GNAQ: variants seen among roughly 807,000 people sequenced by gnomAD.
GNAQ encodes guanine nucleotide-binding protein G(q) subunit alpha.
A neutral mutation model predicts 43.9 loss-of-function variants in GNAQ; 8 were observed. That is an observed-to-expected ratio of 0.18 (90% confidence interval 0.11 to 0.33). GNAQ has a LOEUF of 0.33. Among genes scored for constraint, GNAQ ranks in the 10% least tolerant of loss-of-function variants. GNAQ has a pLI of 1.00. For missense variants in GNAQ, 158 were observed against 450.8 expected (o/e 0.35, Z 5.88); for synonymous variants, 155 against 170.7 (o/e 0.91, Z 0.71).
At chr9:77,936,363 C>T (rs552334034) in intron 1 of GNAQ, among the ~76,000 whole-genome samples, 3 of 152,194 alleles carry the variant, frequency 2.0e-5, no homozygotes, top group Admixed American at 1.3e-4. Flanking sequence ...ATACTCAGAC[C>T]TTATTTTTAA....
At chr9:77,733,760 G>A (rs1343221957) in intron 5 of GNAQ, among the ~76,000 whole-genome samples, 1 of 152,224 alleles carries the variant, frequency 6.6e-6, no homozygotes, top group Non-Finnish European at 1.5e-5. Context: ...CATCATCACA[G>A]GCCCACATGG....
Position 77,719,842 on chromosome 9 carries a change from C to T in GNAQ, c.*1481G>A. 4.3e-6 allele frequency: 1 copy of T among 232,560 alleles called. No individual in the cohort carries two copies. The highest frequency in any genetic ancestry group is 5.6e-5 in the Admixed American group (1 of 17,760). The allele number at this position is 232,560 out of a possible 1,614,324, so 14.4% of individuals were successfully genotyped here. A position where few individuals can be genotyped will look rare whatever the true frequency, so the allele number is the denominator to read the frequency against. On this transcript the variant is annotated 3_prime_UTR_variant, in exon 7 of 7. Coordinates refer to ENST00000286548, the MANE Select transcript of GNAQ (RefSeq NM_002072.5). ...TGTTCTATAGAACACTGAGAGGTTA[C>T]TTTTGAGTTAAGTCCACAAATCTTC...
intron 2 of GNAQ, among the ~76,000 whole-genome samples, chr9:77,849,540 A>G (rs1827640502): frequency 6.6e-6 from 1 of 152,126 alleles, no homozygotes. Flanking sequence ...GAAAATGGTC[A>G]TCTGGTCATC....
chr9:77,843,777 G>A (rs1827529784), intron 2 of GNAQ, among the ~76,000 whole-genome samples: 1 of 152,164 alleles, frequency 6.6e-6, no homozygotes, highest in Non-Finnish European at 1.5e-5. Flanking sequence ...AATTTAAACA[G>A]CTGTTCCTGG....
intron 1 of GNAQ, among the ~76,000 whole-genome samples, chr9:78,016,681 C>CA (rs199896051): frequency 0.27 from 30,865 of 115,398 alleles, 3,366 homozygotes; most frequent in South Asian, 0.43. Flanking sequence ...GACTCTGTCT[C>CA]AAAAAAAAAA....
intron 1 of GNAQ, among the ~76,000 whole-genome samples, chr9:77,969,090 G>A (rs1823204862): frequency 6.6e-6 from 1 of 152,216 alleles, no homozygotes; most frequent in Non-Finnish European, 1.5e-5. Flanking sequence ...TTTGAGGTTT[G>A]CCGTTGGTCT....
chr9:77,881,555 T>G lies in GNAQ; in HGVS notation c.321+40606A>C, dbSNP rs1171564838. Among the ~76,000 whole-genome samples the G allele has an allele frequency of 2.0e-5, 3 of 152,256 alleles. No individual in the cohort carries two copies. The South Asian group carries it at 6.2e-4, about 32-fold the overall frequency. On this transcript the variant is annotated intron_variant, in intron 2 of 6. Coordinates refer to ENST00000286548, the MANE Select transcript of GNAQ (RefSeq NM_002072.5). ...CACCATGCTCAGCTAATTTTTCTGT[T>G]CTTTGTAGAGACAGGGGCTTGCTAT...
At position 77,741,576 on chromosome 9, in the gene GNAQ, A is replaced by G. The variant is rs369184610; in HGVS notation, c.736-12909T>C. 3.8e-4 allele frequency among the ~76,000 whole-genome samples: 58 copies of G among 152,324 alleles called. 1 individual carries two copies. Among genetic ancestry groups the G allele is most frequent in the African/African-American group, 1.3e-3 (55 of 41,570 alleles). On this transcript the variant is annotated intron_variant, in intron 5 of 6. Coordinates refer to ENST00000286548, the MANE Select transcript of GNAQ (RefSeq NM_002072.5). ...AGGATGCAACACAGGAAAGGCAATC[A>G]GTGTTTTAATTCATTCACTTAACTT...
At chr9:77,902,240 G>T (rs1322359366) in intron 2 of GNAQ, among the ~76,000 whole-genome samples, 3 of 152,290 alleles carry the variant, frequency 2.0e-5, no homozygotes, top group Admixed American at 6.5e-5. Flanking sequence ...AAATATATTT[G>T]TAAGGAGTAT....
chr9:77,820,763 T>C (rs1351859013), intron 2 of GNAQ, among the ~76,000 whole-genome samples: 1 of 152,146 alleles, frequency 6.6e-6, no homozygotes, highest in Non-Finnish European at 1.5e-5. Context: ...TGAGACCAAA[T>C]CAGGTATCAA....
chr9:77,764,508 T>C (rs1002244032), intron 5 of GNAQ, among the ~76,000 whole-genome samples: 1 of 151,878 alleles, frequency 6.6e-6, no homozygotes, highest in Admixed American at 6.6e-5. Context: ...CAGGCTGGAA[T>C]GCAGTGGCGC....
intron 2 of GNAQ, among the ~76,000 whole-genome samples, chr9:77,902,142 C>T (rs1236819053): frequency 6.6e-6 from 1 of 152,208 alleles, no homozygotes; most frequent in African/African-American, 2.4e-5. Context: ...ATGCCTCCAC[C>T]TCTTAGCATT....
In GNAQ at chr9:77,835,804, A is replaced by G. The variant is rs150561415; in HGVS notation, c.322-20034T>C. On this transcript the variant is annotated intron_variant, in intron 2 of 6. Coordinates refer to ENST00000286548, the MANE Select transcript of GNAQ (RefSeq NM_002072.5). ...AAGGCTGGTCCACAGTGCCTATCTCATAACAATACAACAATAATGGAGATA... is the reference window on the plus strand; with the variant it reads ...AAGGCTGGTCCACAGTGCCTATCTCGTAACAATACAACAATAATGGAGATA... Among the ~76,000 whole-genome samples, 385 of 152,340 alleles carry G rather than the reference A, an allele frequency of 2.5e-3. 1 individual carries two copies. Among genetic ancestry groups the G allele is most frequent in the Non-Finnish European group, 3.9e-3 (262 of 68,030 alleles).
intron 2 of GNAQ, among the ~76,000 whole-genome samples, chr9:77,915,238 T>C (rs2118238479): frequency 6.6e-6 from 1 of 152,348 alleles, no homozygotes; most frequent in African/African-American, 2.4e-5. Flanking sequence ...TCTTTTAGTA[T>C]CCCATTTCAA....
chr9:77,965,595 A>C (rs1480887648), intron 1 of GNAQ, among the ~76,000 whole-genome samples: 1 of 152,190 alleles, frequency 6.6e-6, no homozygotes, highest in Non-Finnish European at 1.5e-5. Flanking sequence ...AGCACATGAG[A>C]AACTACTCAA....
intron 2 of GNAQ, among the ~76,000 whole-genome samples, chr9:77,891,992 T>A (rs955196604): frequency 6.6e-6 from 1 of 152,224 alleles, no homozygotes; most frequent in Non-Finnish European, 1.5e-5. Flanking sequence ...CTGCCTTTTT[T>A]CAAAAGCCAA....
At chr9:77,737,360 G>A (rs539475436) in intron 5 of GNAQ, among the ~76,000 whole-genome samples, 1 of 152,318 alleles carries the variant, frequency 6.6e-6, no homozygotes, top group Admixed American at 6.5e-5. Context: ...TGTAAGTGAC[G>A]TTTCCCTCTA....
chr9:77,799,785 T>C (rs1252153232), intron 3 of GNAQ, among the ~76,000 whole-genome samples: 1 of 152,210 alleles, frequency 6.6e-6, no homozygotes, highest in East Asian at 1.9e-4. Context: ...ATCAATTAAT[T>C]AGTATTCCAG....
At chr9:77,944,452 T>C (rs769044459) in intron 1 of GNAQ, among the ~76,000 whole-genome samples, 13 of 152,062 alleles carry the variant, frequency 8.5e-5, no homozygotes, top group Non-Finnish European at 1.5e-4. Context: ...TCACCCCATA[T>C]ATCCTCTTTA....
Sources: gnomAD v4.1 joint callset for allele counts (sites outside exome capture counted in the v4.1 genomes callset) on GRCh38, gnomAD v4.1.1 for gene constraint, MANE v1.5 for transcripts, NCBI Gene and HGNC (gene_info 2026-07-23, HGNC 2026-07-21) for gene names.